Variants in FBN2 observed in about 807,000 individuals in gnomAD.
The protein encoded by FBN2 is fibrillin 2.
In FBN2, 105 loss-of-function variants were observed where a neutral mutation model predicts 355.6. The observed-to-expected ratio is 0.30, with a 90% CI of 0.25 to 0.35. The LOEUF is 0.35. Among genes scored for constraint, FBN2 ranks in the 10% least tolerant of loss-of-function variants. The probability of loss-of-function intolerance (pLI) is 1.00; values close to 1 mark genes in which losing one functional copy is unlikely to be tolerated. For synonymous variants in FBN2, 1,350 were observed against 1,301.2 expected (o/e 1.04, Z -0.81); for missense variants, 3,280 against 3,758.7 (o/e 0.87, Z 3.33).
chr5:128,528,559 G>C (rs1348547697), intron 3 of FBN2, among the ~76,000 whole-genome samples: 1 of 152,186 alleles, frequency 6.6e-6, no homozygotes, highest in African/African-American at 2.4e-5. Flanking sequence ...AGAAACTTCA[G>C]AGAGAGAAGA....
chr5:128,402,829 G>A (rs548098796), intron 8 of FBN2, among the ~76,000 whole-genome samples: 30 of 152,194 alleles, frequency 2.0e-4, no homozygotes, highest in East Asian at 3.9e-4. Context: ...TTGATTTTGC[G>A]GATTCTTACT....
At position 128,312,523 on chromosome 5, in the gene FBN2, T is replaced by A. The variant is rs1750082242; in HGVS notation, c.4879+111A>T. The A allele has an allele frequency of 1.3e-5, 15 of 1,189,282 alleles. No homozygotes were observed. In the South Asian group the frequency reaches 2.1e-4, roughly 16 times the overall value. The allele number at this position is 1,189,282 out of a possible 1,614,324, so 73.7% of individuals were successfully genotyped here. A position where few individuals can be genotyped will look rare whatever the true frequency, so the allele number is the denominator to read the frequency against. On this transcript the variant is annotated intron_variant, in intron 37 of 64. Coordinates refer to ENST00000262464, the MANE Select transcript of FBN2 (RefSeq NM_001999.4). ...TCACTGAAAGTAGTTCAAATTCAGT[T>A]TTTTTGTTTTGTCCTCACTAAACAC...
chr5:128,271,428 C>T (rs1444003754), intron 62 of FBN2, among the ~76,000 whole-genome samples: 2 of 152,174 alleles, frequency 1.3e-5, no homozygotes, highest in Non-Finnish European at 1.5e-5. Flanking sequence ...AGAATTTCAG[C>T]GACTATTATC....
At chr5:128,332,710 A>C (rs1219993216) in intron 32 of FBN2, among the ~76,000 whole-genome samples, 7 of 152,206 alleles carry the variant, frequency 4.6e-5, no homozygotes, top group Non-Finnish European at 7.3e-5. Flanking sequence ...ACATTAAAAA[A>C]CAGGTGCCAA....
intron 3 of FBN2, 52 bp downstream of exon 3, chr5:128,530,543 G>T (rs1756674467): frequency 2.5e-6 from 3 of 1,211,664 alleles, no homozygotes; most frequent in East Asian, 2.3e-5. Context: ...TTTAGCATTT[G>T]CTCCAAAGCT....
chr5:128,375,488 T>G (rs1414383850), intron 14 of FBN2, among the ~76,000 whole-genome samples: 1 of 152,150 alleles, frequency 6.6e-6, no homozygotes, highest in Non-Finnish European at 1.5e-5. Context: ...TGAGATGACA[T>G]CCCAGTCATG....
chr5:128,303,240 T>C (rs1581201620), intron 45 of FBN2, 151 bp from the exon 46 acceptor site: 1 of 646,906 alleles, frequency 1.5e-6, no homozygotes, highest in Admixed American at 2.7e-5. Context: ...GAGTAAGAGA[T>C]ACGGAAAAAT....
At chr5:128,435,284 G>A (rs1368738898) in intron 7 of FBN2, among the ~76,000 whole-genome samples, 1 of 151,940 alleles carries the variant, frequency 6.6e-6, no homozygotes, top group African/African-American at 2.4e-5. Flanking sequence ...ATAGACTTGG[G>A]GTCATTTCAT....
intron 20 of FBN2, among the ~76,000 whole-genome samples, chr5:128,356,039 C>A (rs756975927): frequency 7.9e-5 from 12 of 152,334 alleles, no homozygotes; most frequent in East Asian, 1.9e-4. Context: ...ATGCTGAATT[C>A]ATTTCCTTTG....
chr5:128,501,275 G>A (rs1236946743), intron 5 of FBN2, among the ~76,000 whole-genome samples: 1 of 152,164 alleles, frequency 6.6e-6, no homozygotes, highest in Non-Finnish European at 1.5e-5. Context: ...AAAGTACAGA[G>A]CTCAGATCCT....
At chr5:128,406,551 T>C (rs1273060225) in intron 8 of FBN2, among the ~76,000 whole-genome samples, 1 of 152,124 alleles carries the variant, frequency 6.6e-6, no homozygotes, top group Non-Finnish European at 1.5e-5. Context: ...TCAGGGGCCA[T>C]GATGAAGTAT....
At chr5:128,417,582 C>A (rs1331200576) in intron 7 of FBN2, among the ~76,000 whole-genome samples, 1 of 152,088 alleles carries the variant, frequency 6.6e-6, no homozygotes, top group Non-Finnish European at 1.5e-5. Context: ...TTATCAAATG[C>A]TTTTCCTGCA....
chr5:128,425,971 C>T (rs947542839), intron 7 of FBN2, among the ~76,000 whole-genome samples: 2 of 152,090 alleles, frequency 1.3e-5, no homozygotes, highest in African/African-American at 4.8e-5. Context: ...CTACATAGAC[C>T]TAGCTGTGTA....
rs770728135 is a variant in FBN2 at position 128,272,100 on chromosome 5, C to T, written c.7859G>A (p.Gly2620Glu). 3.7e-5 allele frequency: 59 copies of T among 1,613,898 alleles called. No individual in the cohort carries two copies. The highest frequency in any genetic ancestry group is 4.8e-5 in the Non-Finnish European group (57 of 1,179,948). The change falls in exon 62 of 65, where the codon GGG becomes GAG. Residue 2620 changes from glycine to glutamate, a missense_variant. Gly to Glu is a moderately conservative substitution (Grantham distance 98). Coordinates refer to ENST00000262464, the MANE Select transcript of FBN2 (RefSeq NM_001999.4). ...LNCEDVDECD[G>E]NHRCQHGCQN... ...GCAGCCGTGTTGGCACCTGTGGTTCCCATCACATTCATCAACATCTGCAAA... is the reference window on the plus strand; with the variant it reads ...GCAGCCGTGTTGGCACCTGTGGTTCTCATCACATTCATCAACATCTGCAAA...
At chr5:128,464,650 C>T in intron 6 of FBN2, 74 bp downstream of exon 6, 3 of 1,502,034 alleles carry the variant, frequency 2.0e-6, no homozygotes, top group Non-Finnish European at 2.8e-6. Context: ...CCATCCAGTG[C>T]CAGATTCTCC....
chr5:128,468,700 TG>T (rs1754778812), intron 5 of FBN2, among the ~76,000 whole-genome samples: 1 of 152,222 alleles, frequency 6.6e-6, no homozygotes, highest in Admixed American at 6.5e-5. Context: ...TTGGGAATTT[TG>T]CTGTAATTTC....
intron 5 of FBN2, among the ~76,000 whole-genome samples, chr5:128,517,547 T>C (rs967750205): frequency 5.3e-5 from 8 of 152,226 alleles, no homozygotes; most frequent in African/African-American, 1.7e-4. Context: ...TTGTGGAATG[T>C]ACTTCAGTCC....
chr5:128,272,219 AC>A, intron 61 of FBN2, 101 bp from the exon 62 acceptor site: 1 of 1,330,506 alleles, frequency 7.5e-7, no homozygotes. Context: ...ATGGGAACAA[AC>A]AAACAAACAA....
intron 7 of FBN2, among the ~76,000 whole-genome samples, chr5:128,413,384 A>T (rs1159897668): frequency 6.6e-6 from 1 of 152,128 alleles, no homozygotes; most frequent in East Asian, 1.9e-4. Flanking sequence ...GAATGTGAAA[A>T]ACGGAGGCTA....
Sources: allele counts gnomAD v4.1 joint callset (sites outside exome capture counted in the v4.1 genomes callset), GRCh38; gene constraint gnomAD v4.1.1; transcripts MANE v1.5; gene names NCBI Gene and HGNC (gene_info 2026-07-23, HGNC 2026-07-21).